The following CDH20 variants were observed in gnomAD, a reference collection of about 807,000 sequenced individuals.
The protein encoded by CDH20 is cadherin 20.
CDH20 carries 29 observed loss-of-function variants against 74.2 expected under a neutral mutation model. The observed-to-expected ratio is 0.39, with a 90% CI of 0.29 to 0.53. The LOEUF is 0.53. Ranked by LOEUF, CDH20 falls within the 20% of genes least tolerant of loss-of-function variation. The pLI, the probability that CDH20 is intolerant of heterozygous loss-of-function variation, is 0.69. For synonymous variants in CDH20, 469 were observed against 405.4 expected (o/e 1.16, Z -1.88); for missense variants, 988 against 1,048.3 (o/e 0.94, Z 0.79).
At chr18:61,506,542 T>C (rs1911567382) in intron 5 of CDH20, among the ~76,000 whole-genome samples, 1 of 152,164 alleles carries the variant, frequency 6.6e-6, no homozygotes, top group Non-Finnish European at 1.5e-5. Flanking sequence ...TGTTATTTAG[T>C]CAGTCACATT....
chr18:61,459,507 G>T (rs1909695281), intron 1 of CDH20, among the ~76,000 whole-genome samples: 1 of 152,102 alleles, frequency 6.6e-6, no homozygotes, highest in Non-Finnish European at 1.5e-5. Flanking sequence ...CCCAGAAATG[G>T]CCAGGTGTTG....
At chr18:61,422,433 A>AAAAT (rs768453056) in intron 1 of CDH20, among the ~76,000 whole-genome samples, 36 of 152,288 alleles carry the variant, frequency 2.4e-4, no homozygotes, top group African/African-American at 7.7e-4. Context: ...TACAGGGCAA[A>AAAAT]AAATAAATAA....
At chr18:61,473,753 A>G (rs1168511109) in intron 1 of CDH20, among the ~76,000 whole-genome samples, 1 of 152,210 alleles carries the variant, frequency 6.6e-6, no homozygotes. Flanking sequence ...CCAAATAACA[A>G]TGATTTTTCC....
chr18:61,521,836 C>T (rs910903760), intron 6 of CDH20, among the ~76,000 whole-genome samples: 1 of 152,186 alleles, frequency 6.6e-6, no homozygotes, highest in Non-Finnish European at 1.5e-5. Flanking sequence ...ATGATTATCT[C>T]AATAGTGCAG....
At chr18:61,423,586 T>C (rs1338660706) in intron 1 of CDH20, among the ~76,000 whole-genome samples, 1 of 152,074 alleles carries the variant, frequency 6.6e-6, no homozygotes. Context: ...TTTTTTTTTC[T>C]TTTTAATTTA....
chr18:61,483,971 T>C (rs1191382479), intron 1 of CDH20, among the ~76,000 whole-genome samples: 10 of 152,216 alleles, frequency 6.6e-5, no homozygotes, highest in Non-Finnish European at 2.9e-5. Context: ...AAGTCTTACG[T>C]TTAGGTAGCA....
chr18:61,363,214 C>A lies in CDH20; in HGVS notation c.-153+29387C>A, dbSNP rs184012164. ...ATGATAAAAAATAACATACTTAAAG[C>A]ATCTCAGGAGCCACTTGGGATTCAG... On this transcript the variant is annotated intron_variant, in intron 1 of 11. Coordinates refer to ENST00000262717, the MANE Select transcript of CDH20 (RefSeq NM_031891.4). 2.6e-5 allele frequency among the ~76,000 whole-genome samples: 4 copies of A among 152,250 alleles called. No homozygotes were observed. The East Asian group carries it at 7.7e-4, about 29-fold the overall frequency.
chr18:61,507,537 G>A lies in CDH20; in HGVS notation c.994G>A (p.Val332Ile). 1.2e-6 allele frequency: 2 copies of A among 1,610,462 alleles called. No homozygotes were observed. The highest frequency in any genetic ancestry group is 1.7e-6 in the Non-Finnish European group (2 of 1,178,428). Residue 332 changes from valine to isoleucine, a missense_variant, in exon 6 of 12, where the codon GTT (valine) becomes ATT (isoleucine). Physicochemically the swap from Val to Ile is conservative, Grantham distance 29. Around this residue, in one of 2 missense-constraint regions of CDH20, gnomAD observed 613 missense variants for 755.2 expected, o/e 0.81. Coordinates refer to ENST00000262717, the MANE Select transcript of CDH20 (RefSeq NM_031891.4). ...FDISTDPNFQVGIITVKKPLS... is the reference protein window; with the variant it reads ...FDISTDPNFQIGIITVKKPLS... ...CATTAGCACAGATCCCAATTTCCAA[G>A]TTGGTATCATAACTGTGAAGAAGGT...
intron 6 of CDH20, among the ~76,000 whole-genome samples, chr18:61,525,225 A>G (rs555370): frequency 0.62 from 93,399 of 151,846 alleles, 28,882 homozygotes; most frequent in East Asian, 0.73. Context: ...TATACTAAAA[A>G]AGAAATTTTA....
Position 61,409,722 on chromosome 18 carries a change from A to G in CDH20, c.-153+75895A>G, listed in dbSNP as rs555709430. Among the ~76,000 whole-genome samples, 6 of 152,308 alleles carry G rather than the reference A, an allele frequency of 3.9e-5. No individual in the cohort carries two copies. The East Asian group carries it at 1.2e-3, about 29-fold the overall frequency. On this transcript the variant is annotated intron_variant, in intron 1 of 11. Transcript: ENST00000262717. ...CCTGTCCTGAGTCCTTAAGTAATGAACTGCAACATAACGTAGTACATTAAC... is the reference window on the plus strand; with the variant it reads ...CCTGTCCTGAGTCCTTAAGTAATGAGCTGCAACATAACGTAGTACATTAAC...
chr18:61,545,584 A>G (rs1245653741), intron 10 of CDH20, among the ~76,000 whole-genome samples: 1 of 152,150 alleles, frequency 6.6e-6, no homozygotes, highest in Non-Finnish European at 1.5e-5. Flanking sequence ...AGCCCTGTTC[A>G]TATGTTCTGT....
Position 61,554,266 on chromosome 18 carries a change from C to T in CDH20, c.1977C>T (p.His659=), listed in dbSNP as rs757700991. The stretch of plus-strand genomic sequence containing the variant: ...TCATCGACGACGAGGAAAACATCCA[C>T]GAGAACATCGTCCGCTACGACGACG... ...PYIIDDEENI[H]ENIVRYDDEG... is the part of the protein sequence containing the mutation. The change falls in exon 12 of 12, where the codon CAC becomes CAT. Residue 659 remains histidine, a synonymous_variant. Coordinates refer to ENST00000262717, the MANE Select transcript of CDH20 (RefSeq NM_031891.4). 1.9e-6 allele frequency: 3 copies of T among 1,614,020 alleles called. No homozygotes were observed. Among genetic ancestry groups the T allele is most frequent in the East Asian group, 2.2e-5 (1 of 44,874 alleles).
At chr18:61,430,700 T>C (rs1913224042) in intron 1 of CDH20, among the ~76,000 whole-genome samples, 1 of 152,218 alleles carries the variant, frequency 6.6e-6, no homozygotes, top group Non-Finnish European at 1.5e-5. Flanking sequence ...TCCAATACTA[T>C]ATCATTTATT....
chr18:61,403,409 TG>T (rs1912220458), intron 1 of CDH20, among the ~76,000 whole-genome samples: 1 of 152,194 alleles, frequency 6.6e-6, no homozygotes, highest in Non-Finnish European at 1.5e-5. Context: ...AAATACTTCT[TG>T]GGAAACAAGA....
intron 1 of CDH20, among the ~76,000 whole-genome samples, chr18:61,344,235 C>T (rs1044017432): frequency 3.3e-5 from 5 of 152,194 alleles, no homozygotes; most frequent in Non-Finnish European, 7.3e-5. Context: ...TTGCCATAGG[C>T]CAAGCCCTGT....
chr18:61,427,842 T>C (rs567457075), intron 1 of CDH20, among the ~76,000 whole-genome samples: 1 of 152,268 alleles, frequency 6.6e-6, no homozygotes, highest in East Asian at 1.9e-4. Flanking sequence ...CCCTCTTCTC[T>C]ACAAAAACTA....
At chr18:61,515,005 C>G (rs1373979431) in intron 6 of CDH20, among the ~76,000 whole-genome samples, 1 of 151,980 alleles carries the variant, frequency 6.6e-6, no homozygotes, top group Non-Finnish European at 1.5e-5. Flanking sequence ...AGGCAGGCCT[C>G]CTTGAGCTGT....
chr18:61,525,412 G>C (rs72995632), intron 6 of CDH20, among the ~76,000 whole-genome samples: 1 of 152,116 alleles, frequency 6.6e-6, no homozygotes, highest in Non-Finnish European at 1.5e-5. Flanking sequence ...TTTTAAGAGC[G>C]TATAAATGTA....
At chr18:61,543,496 ATTTC>A (rs1370948564) in intron 9 of CDH20, among the ~76,000 whole-genome samples, 4 of 143,780 alleles carry the variant, frequency 2.8e-5, no homozygotes, top group Non-Finnish European at 6.1e-5. Flanking sequence ...TTTCACACAG[ATTTC>A]TTTAATAGCT....
Sources: gnomAD v4.1 joint callset for allele counts (sites outside exome capture counted in the v4.1 genomes callset) on GRCh38, gnomAD v4.1.1 for gene constraint, gnomAD v4.1.1 regional missense constraint, MANE v1.5 for transcripts, NCBI Gene and HGNC (gene_info 2026-07-23, HGNC 2026-07-21) for gene names.